Variants in GRM7 observed in about 807,000 individuals in gnomAD.
GRM7 encodes metabotropic glutamate receptor 7.
GRM7 carries 35 observed loss-of-function variants against 84.5 expected under a neutral mutation model. The observed-to-expected ratio is 0.41, with a 90% confidence interval of 0.32 to 0.55. GRM7 has a LOEUF of 0.55. Ranked by LOEUF, GRM7 falls within the 20% of genes least tolerant of loss-of-function variation. GRM7 has a pLI of 0.19. For missense variants in GRM7, 1,003 were observed against 1,194.6 expected (o/e 0.84, Z 2.36); for synonymous variants, 487 against 455.1 (o/e 1.07, Z -0.89).
chr3:7,640,427 C>A (rs1437693288), intron 8 of GRM7, among the ~76,000 whole-genome samples: 1 of 152,138 alleles, frequency 6.6e-6, no homozygotes, highest in Admixed American at 6.6e-5. Flanking sequence ...TTTTGACATG[C>A]CCACATGCCT....
At position 7,025,496 on chromosome 3, in the gene GRM7, C is replaced by A. The variant is rs184708264; in HGVS notation, c.520-120956C>A. On this transcript the variant is annotated intron_variant, in intron 1 of 9. Transcript: ENST00000357716. The stretch of plus-strand genomic sequence containing the variant: ...TTGTACAGATCTGGGAACAGATCTG[C>A]AGAAGTGTCTTCAAAGTATGACATT... Among the ~76,000 whole-genome samples, 703 of 152,264 alleles carry A rather than the reference C, an allele frequency of 4.6e-3. 3 individuals are homozygous for A. The highest frequency in any genetic ancestry group is 8.2e-3 in the Non-Finnish European group (559 of 68,008).
At chr3:7,172,100 C>T (rs1161793325) in intron 2 of GRM7, among the ~76,000 whole-genome samples, 1 of 152,046 alleles carries the variant, frequency 6.6e-6, no homozygotes, top group Non-Finnish European at 1.5e-5. Flanking sequence ...ATTGTTTTAG[C>T]ACGGGATTTT....
At chr3:7,027,431 T>A (rs1203700978) in intron 1 of GRM7, among the ~76,000 whole-genome samples, 5 of 152,216 alleles carry the variant, frequency 3.3e-5, no homozygotes, top group Non-Finnish European at 5.9e-5. Flanking sequence ...AATATGTTCT[T>A]CAGTTTGCTA....
chr3:7,487,513 C>T (rs1224274721), intron 7 of GRM7, among the ~76,000 whole-genome samples: 1 of 152,146 alleles, frequency 6.6e-6, no homozygotes, highest in Non-Finnish European at 1.5e-5. Context: ...CCCAGGACCA[C>T]CTCTAGTTGC....
At chr3:6,994,405 T>C (rs998559330) in intron 1 of GRM7, among the ~76,000 whole-genome samples, 4 of 152,324 alleles carry the variant, frequency 2.6e-5, no homozygotes, top group Middle Eastern at 3.4e-3. Context: ...TGTCATATTT[T>C]CTCCCTGTTT....
chr3:7,378,044 A>C (rs1694429707), intron 4 of GRM7, among the ~76,000 whole-genome samples: 1 of 152,090 alleles, frequency 6.6e-6, no homozygotes, highest in South Asian at 2.1e-4. Context: ...ATCCCAATTC[A>C]TGTAGTTTTA....
At chr3:7,336,700 G>A (rs542658070) in intron 4 of GRM7, among the ~76,000 whole-genome samples, 5 of 151,748 alleles carry the variant, frequency 3.3e-5, no homozygotes, top group African/African-American at 1.2e-4. Context: ...TAAAGTTTCA[G>A]GATACAAAAT....
chr3:7,262,094 T>A (rs113908108), intron 2 of GRM7, among the ~76,000 whole-genome samples: 8 of 151,912 alleles, frequency 5.3e-5, no homozygotes, highest in African/African-American at 1.7e-4. Context: ...TCTTATTGCC[T>A]TTGACTTTTT....
chr3:7,483,934 G>C (rs1297503580), intron 7 of GRM7, among the ~76,000 whole-genome samples: 2 of 152,020 alleles, frequency 1.3e-5, no homozygotes, highest in Non-Finnish European at 2.9e-5. Flanking sequence ...AAAGAAAAAA[G>C]TGTGCTTAAT....
rs139114249 is a variant in GRM7, at chr3:7,471,052, C to A, written c.1515+9330C>A. Among the ~76,000 whole-genome samples, 65 of 151,528 alleles carry A rather than the reference C, an allele frequency of 4.3e-4. No individual in the cohort carries two copies. In the East Asian group the frequency reaches 0.011, roughly 25 times the overall value. ...AACATTCCTGAACCGCAATTCCCTT[C>A]TTTATTTAAAAAAAGTAAAATAAAA... On this transcript the variant is annotated intron_variant, in intron 7 of 9. Transcript: ENST00000357716.
intron 1 of GRM7, among the ~76,000 whole-genome samples, chr3:7,048,404 T>G (rs1211795567): frequency 6.6e-6 from 1 of 151,976 alleles, no homozygotes; most frequent in East Asian, 1.9e-4. Flanking sequence ...AGTGTTCACA[T>G]TAAATAATAG....
Position 7,452,649 on chromosome 3 carries a change from G to A in GRM7, c.1217G>A (p.Gly406Asp). ...AAAGATTCCAACTATGAGCAGGAGG[G>A]TAAAGTCCAGTTCGTGATTGACGCA... is the stretch of plus-strand genomic sequence containing the variant. ...IGKDSNYEQE[G>D]KVQFVIDAVY... is the part of the protein sequence containing the mutation. The change falls in exon 6 of 10, where the codon GGT becomes GAT. Residue 406 changes from glycine to aspartate, a missense_variant. Gly to Asp is a moderately conservative substitution (Grantham distance 94, BLOSUM62 -1). This residue lies in a region of GRM7 where 910 missense variants were observed against 1,126.0 expected (regional missense o/e 0.81). Transcript: ENST00000357716. The A allele has an allele frequency of 6.2e-7, 1 of 1,613,362 alleles. No homozygotes were observed. Among genetic ancestry groups the A allele is most frequent in the Non-Finnish European group, 8.5e-7 (1 of 1,179,498 alleles).
intron 2 of GRM7, among the ~76,000 whole-genome samples, chr3:7,247,520 G>A (rs1161068696): frequency 6.7e-6 from 1 of 150,372 alleles, no homozygotes; most frequent in Non-Finnish European, 1.5e-5. Context: ...GATAACTTGA[G>A]CCCAGGAGTT....
chr3:7,421,734 G>T (rs150210243), intron 5 of GRM7, among the ~76,000 whole-genome samples: 1 of 152,012 alleles, frequency 6.6e-6, no homozygotes, highest in Non-Finnish European at 1.5e-5. Context: ...GTACAACTGT[G>T]GTTTTGATGA....
At chr3:7,328,351 G>T (rs571512038) in intron 4 of GRM7, among the ~76,000 whole-genome samples, 1 of 152,236 alleles carries the variant, frequency 6.6e-6, no homozygotes, top group East Asian at 1.9e-4. Context: ...CTATTGATTT[G>T]TGTGCCCCCA....
intron 1 of GRM7, among the ~76,000 whole-genome samples, chr3:6,911,458 T>C (rs1228224440): frequency 6.6e-6 from 1 of 152,174 alleles, no homozygotes; most frequent in Non-Finnish European, 1.5e-5. Context: ...ACAACTGTTA[T>C]TAGTTTCTTA....
intron 4 of GRM7, among the ~76,000 whole-genome samples, chr3:7,366,357 T>C (rs774870808): frequency 1.3e-4 from 19 of 151,934 alleles, no homozygotes; most frequent in Non-Finnish European, 1.8e-4. Flanking sequence ...ATGTTGAATT[T>C]TTTGTCATCG....
intron 4 of GRM7, among the ~76,000 whole-genome samples, chr3:7,364,209 C>A (rs537673811): frequency 8.2e-4 from 125 of 151,912 alleles, no homozygotes; most frequent in Admixed American, 1.4e-3. Flanking sequence ...ATATATATAT[C>A]ACATTCAGAA....
intron 1 of GRM7, among the ~76,000 whole-genome samples, chr3:7,097,337 C>A (rs1357423735): frequency 6.6e-6 from 1 of 151,910 alleles, no homozygotes. Flanking sequence ...CACTCAGGAA[C>A]AAAAAATATG....
Sources: allele counts gnomAD v4.1 joint callset (sites outside exome capture counted in the v4.1 genomes callset), GRCh38; gene constraint gnomAD v4.1.1; regional missense constraint gnomAD v4.1.1; transcripts MANE v1.5; gene names NCBI Gene and HGNC (gene_info 2026-07-23, HGNC 2026-07-21).